Variants in ASPH observed in about 807,000 individuals in gnomAD.
ASPH encodes the protein aspartyl/asparaginyl beta-hydroxylase.
In ASPH, 100 loss-of-function variants were observed where a neutral mutation model predicts 118.4. The observed-to-expected ratio is 0.84, with a 90% CI of 0.72 to 1.00. ASPH has a LOEUF of 1.00. ASPH is among the 50% of genes least tolerant of loss of function. The pLI, the probability that ASPH is intolerant of heterozygous loss-of-function variation, is 0.00. For synonymous variants in ASPH, 315 were observed against 325.6 expected, an observed-to-expected ratio of 0.97 and a Z score of 0.35; for missense variants, 920 against 919.5, an observed-to-expected ratio of 1.00 and a Z score of -0.01.
intron 3 of ASPH, chr8:61,662,767 T>C (rs1817576838): frequency 2.5e-6 from 2 of 800,806 alleles, no homozygotes; most frequent in African/African-American, 1.9e-5. Flanking sequence ...TTAGTTGAGG[T>C]GTTTCAATTC....
At chr8:61,579,628 A>T (rs906336401) in intron 15 of ASPH, 22 of 1,519,862 alleles carry the variant, frequency 1.4e-5, no homozygotes, top group Admixed American at 3.3e-5. Flanking sequence ...GAGACATGTG[A>T]TGGGAAGCTG....
intron 4 of ASPH, 65 bp downstream of exon 4, chr8:61,653,503 T>C (rs1812133725): frequency 1.4e-6 from 2 of 1,479,040 alleles, no homozygotes; most frequent in African/African-American, 2.8e-5. Flanking sequence ...CGTGATTCTG[T>C]AAATGCGGAT....
intron 16 of ASPH, among the ~76,000 whole-genome samples, chr8:61,569,128 G>A (rs998737163): frequency 6.6e-6 from 1 of 152,166 alleles, no homozygotes; most frequent in Non-Finnish European, 1.5e-5. Flanking sequence ...GAGGATGGCT[G>A]TTAGCAAAGT....
At chr8:61,622,147 G>C (rs1851184900) in intron 13 of ASPH, among the ~76,000 whole-genome samples, 1 of 152,138 alleles carries the variant, frequency 6.6e-6, no homozygotes, top group South Asian at 2.1e-4. Context: ...AGACCATCCT[G>C]GCCAACATGG....
At chr8:61,505,419 G>C (rs1315386875) in intron 24 of ASPH, among the ~76,000 whole-genome samples, 1 of 150,126 alleles carries the variant, frequency 6.7e-6, no homozygotes, top group Non-Finnish European at 1.5e-5. Flanking sequence ...GCTTGAACCT[G>C]GGAGGCAGAG....
chr8:61,625,541 G>A, intron 13 of ASPH: 1 of 985,150 alleles, frequency 1.0e-6, no homozygotes, highest in East Asian at 1.1e-4. Flanking sequence ...CATGATAATA[G>A]TAGGGCCATT....
intron 22 of ASPH, among the ~76,000 whole-genome samples, chr8:61,519,420 G>T (rs1010368425): frequency 6.6e-6 from 1 of 151,904 alleles, no homozygotes; most frequent in Non-Finnish European, 1.5e-5. Flanking sequence ...TTACATAAGC[G>T]GACCCATAAC....
chr8:61,575,966 T>C (rs1835006179), intron 16 of ASPH, among the ~76,000 whole-genome samples: 1 of 152,224 alleles, frequency 6.6e-6, no homozygotes, highest in African/African-American at 2.4e-5. Context: ...TGCCCTACTT[T>C]GCCTCTTCCA....
chr8:61,553,134 A>G lies in ASPH; in HGVS notation c.1537-14T>C. 1 of 1,576,198 alleles carries G rather than the reference A, an allele frequency of 6.3e-7. No homozygotes were observed. ...TTCTATTCCTTCCTGTAGAAAGGACAGTGTTAGTATGGGTAAAATAATTAA... is the reference window on the plus strand; with the variant it reads ...TTCTATTCCTTCCTGTAGAAAGGACGGTGTTAGTATGGGTAAAATAATTAA... On this transcript the variant is annotated splice_polypyrimidine_tract_variant and intron_variant, in intron 19 of 24. Coordinates refer to ENST00000379454, the MANE Select transcript of ASPH (RefSeq NM_004318.4).
intron 1 of ASPH, among the ~76,000 whole-genome samples, chr8:61,688,557 A>T (rs1831481543): frequency 6.6e-6 from 1 of 152,212 alleles, no homozygotes; most frequent in Admixed American, 6.5e-5. Flanking sequence ...CTACTAACTG[A>T]ATTATAGATC....
intron 16 of ASPH, 137 bp from the exon 17 acceptor site, chr8:61,567,455 G>A: frequency 3.3e-6 from 3 of 908,566 alleles, no homozygotes; most frequent in Non-Finnish European, 3.2e-6. Flanking sequence ...TCCTTATCAA[G>A]AGATAAAAAA....
chr8:61,607,011 C>T lies in ASPH; in HGVS notation c.976+11967G>A, dbSNP rs1588008686. The T allele has an allele frequency of 7.4e-6, 3 of 403,968 alleles. No homozygotes were observed. The East Asian group carries it at 1.3e-4, about 17-fold the overall frequency. 25.0% of individuals were successfully genotyped at this position (403,968 alleles called of 1,614,324 possible). ...AAATGTCATCGCTCCATGAAGACTCCAGTTGCTTTCCATCTCCTGCCAGCA... is the reference window on the plus strand; with the variant it reads ...AAATGTCATCGCTCCATGAAGACTCTAGTTGCTTTCCATCTCCTGCCAGCA... On this transcript the variant is annotated intron_variant, in intron 14 of 24. Transcript: ENST00000379454.
At chr8:61,673,155 A>G (rs997433514) in intron 3 of ASPH, among the ~76,000 whole-genome samples, 2 of 152,212 alleles carry the variant, frequency 1.3e-5, no homozygotes, top group African/African-American at 4.8e-5. Context: ...TAGAATAAAG[A>G]AAGAATCAAG....
rs560658558 is a variant in ASPH at position 61,574,459 on chromosome 8, C to T, written c.1149+2313G>A. Among the ~76,000 whole-genome samples the T allele has an allele frequency of 4.6e-5, 7 of 152,270 alleles. No individual in the cohort carries two copies. The East Asian group carries it at 1.2e-3, about 25-fold the overall frequency. On this transcript the variant is annotated intron_variant, in intron 16 of 24. Transcript: ENST00000379454. Reference sequence around the variant, plus strand: ...ACTTGGAACCAACCCAAATGCCCATCAATGATAGACTGGATAAAGAAAATG... The same window carrying T: ...ACTTGGAACCAACCCAAATGCCCATTAATGATAGACTGGATAAAGAAAATG...
intron 6 of ASPH, among the ~76,000 whole-genome samples, chr8:61,645,093 C>T (rs1807243578): frequency 6.6e-6 from 1 of 152,144 alleles, no homozygotes; most frequent in Non-Finnish European, 1.5e-5. Flanking sequence ...AACACTTAAC[C>T]CATACACCCC....
At chr8:61,572,002 T>G (rs1833610091) in intron 16 of ASPH, among the ~76,000 whole-genome samples, 1 of 152,200 alleles carries the variant, frequency 6.6e-6, no homozygotes, top group Admixed American at 6.5e-5. Flanking sequence ...GTCTGTACCA[T>G]GGACAAGAGG....
chr8:61,667,933 A>C (rs1820518571), intron 3 of ASPH, among the ~76,000 whole-genome samples: 1 of 152,184 alleles, frequency 6.6e-6, no homozygotes, highest in Admixed American at 6.5e-5. Flanking sequence ...TGTACATGTA[A>C]ATTTAATATA....
intron 1 of ASPH, among the ~76,000 whole-genome samples, chr8:61,712,236 C>A (rs954889941): frequency 6.6e-6 from 1 of 152,142 alleles, no homozygotes; most frequent in Non-Finnish European, 1.5e-5. Context: ...GTTCGCACAA[C>A]GTCCGTACTT....
intron 3 of ASPH, chr8:61,664,156 A>C (rs891759274): frequency 2.1e-6 from 2 of 965,564 alleles, no homozygotes; most frequent in African/African-American, 3.5e-5. Flanking sequence ...GAATAGTACA[A>C]ACCATTTGTA....
Sources: allele counts gnomAD v4.1 joint callset (sites outside exome capture counted in the v4.1 genomes callset), GRCh38; gene constraint gnomAD v4.1.1; transcripts MANE v1.5; gene names NCBI Gene and HGNC (gene_info 2026-07-23, HGNC 2026-07-21).